CSMD1: variants seen among roughly 807,000 people sequenced by gnomAD.
CSMD1 encodes CUB and sushi domain-containing protein 1.
A neutral mutation model predicts 417.5 loss-of-function variants in CSMD1; 213 were observed. The ratio of observed to expected loss-of-function variants is 0.51; its 90% CI spans 0.46 to 0.57. The LOEUF (loss-of-function observed/expected upper bound fraction) is 0.57. Ranked by LOEUF, CSMD1 falls within the 20% of genes least tolerant of loss-of-function variation. The pLI is 0.00. For synonymous variants in CSMD1, 2,862 were observed against 1,736.8 expected (o/e 1.65, Z -16.11); for missense variants, 6,923 against 4,529.7 (o/e 1.53, Z -15.17).
At chr8:3,782,252 T>C (rs1799222769) in intron 5 of CSMD1, among the ~76,000 whole-genome samples, 1 of 152,186 alleles carries the variant, frequency 6.6e-6, no homozygotes, top group African/African-American at 2.4e-5. Context: ...GTTAGTTTTG[T>C]GCTTGCTTTG....
At chr8:3,879,587 C>G (rs1388650552) in intron 5 of CSMD1, among the ~76,000 whole-genome samples, 1 of 152,158 alleles carries the variant, frequency 6.6e-6, no homozygotes, top group Non-Finnish European at 1.5e-5. Flanking sequence ...AATCACATAG[C>G]TATCAGAATG....
At chr8:3,302,233 C>T (rs1390614153) in intron 25 of CSMD1, among the ~76,000 whole-genome samples, 1 of 152,112 alleles carries the variant, frequency 6.6e-6, no homozygotes, top group Non-Finnish European at 1.5e-5. Flanking sequence ...GATCAGCTTC[C>T]ACCATTTTAT....
chr8:3,475,066 G>A (rs560108760), intron 11 of CSMD1, among the ~76,000 whole-genome samples: 16 of 152,116 alleles, frequency 1.1e-4, no homozygotes, highest in East Asian at 3.9e-4. Flanking sequence ...GCATTTCTCC[G>A]TTCCCAGGGC....
At chr8:3,396,457 C>A in intron 16 of CSMD1, 76 bp from the exon 17 acceptor site, 2 of 1,056,170 alleles carry the variant, frequency 1.9e-6, no homozygotes, top group Non-Finnish European at 1.3e-6. Context: ...CATCCTCATT[C>A]CTTAATCAGA....
intron 2 of CSMD1, among the ~76,000 whole-genome samples, chr8:4,498,006 A>G (rs1356842230): frequency 6.6e-6 from 1 of 152,006 alleles, no homozygotes; most frequent in African/African-American, 2.4e-5. Flanking sequence ...AGTACAGTAA[A>G]CGTCCCGCAG....
intron 50 of CSMD1, among the ~76,000 whole-genome samples, chr8:3,046,872 G>C (rs761742753): frequency 1.6e-4 from 25 of 152,152 alleles, no homozygotes; most frequent in Non-Finnish European, 3.5e-4. Flanking sequence ...TCCTAGGATT[G>C]CTATTCTAAT....
intron 3 of CSMD1, among the ~76,000 whole-genome samples, chr8:4,414,775 T>C (rs545214570): frequency 2.6e-5 from 4 of 152,312 alleles, no homozygotes; most frequent in African/African-American, 2.4e-5. Context: ...TTTTTGAGTA[T>C]GTATCATGTG....
At chr8:4,167,639 T>G (rs1025066703) in intron 3 of CSMD1, among the ~76,000 whole-genome samples, 2 of 152,140 alleles carry the variant, frequency 1.3e-5, no homozygotes, top group Non-Finnish European at 1.5e-5. Context: ...ATCCATCTGT[T>G]TGGAAGATAC....
At chr8:4,492,278 C>T (rs62479713) in intron 2 of CSMD1, among the ~76,000 whole-genome samples, 10,357 of 152,156 alleles carry the variant, frequency 0.068, 466 homozygotes, top group South Asian at 0.1. Flanking sequence ...TTTGTCTACA[C>T]GGGATCTTCT....
intron 5 of CSMD1, among the ~76,000 whole-genome samples, chr8:3,827,206 G>A (rs1199766311): frequency 6.6e-6 from 1 of 152,138 alleles, no homozygotes; most frequent in Non-Finnish European, 1.5e-5. Context: ...CCAAAGAGTA[G>A]GGACAAACTT....
chr8:3,362,888 C>G (rs1454169495), intron 20 of CSMD1, among the ~76,000 whole-genome samples: 1 of 152,204 alleles, frequency 6.6e-6, no homozygotes, highest in African/African-American at 2.4e-5. Context: ...TATTGTGTAA[C>G]ATGTTCCTGT....
At chr8:4,880,849 G>C (rs975189265) in intron 1 of CSMD1, among the ~76,000 whole-genome samples, 4 of 152,052 alleles carry the variant, frequency 2.6e-5, no homozygotes, top group Non-Finnish European at 4.4e-5. Context: ...AAAGGTCCCT[G>C]ATCTAAGCTA....
At chr8:3,358,344 A>T (rs1450818893) in intron 21 of CSMD1, among the ~76,000 whole-genome samples, 1 of 152,216 alleles carries the variant, frequency 6.6e-6, no homozygotes, top group East Asian at 1.9e-4. Context: ...TGTAAGACCC[A>T]GAATATGCTG....
intron 3 of CSMD1, among the ~76,000 whole-genome samples, chr8:4,346,979 G>A (rs752596656): frequency 1.6e-4 from 24 of 152,130 alleles, no homozygotes; most frequent in Non-Finnish European, 2.8e-4. Context: ...GTAATGGAGG[G>A]TGCTTGTGGC....
chr8:3,848,213 T>C (rs1344980977), intron 5 of CSMD1, among the ~76,000 whole-genome samples: 1 of 152,188 alleles, frequency 6.6e-6, no homozygotes, highest in Non-Finnish European at 1.5e-5. Flanking sequence ...TCAGAAGTTG[T>C]CAGGACATTG....
chr8:4,646,698 T>C (rs992049364), intron 1 of CSMD1, among the ~76,000 whole-genome samples: 15 of 152,188 alleles, frequency 9.9e-5, no homozygotes, highest in Non-Finnish European at 2.9e-5. Context: ...TCTATTTTAA[T>C]GCTTAGTAGA....
At chr8:3,928,088 A>G (rs1002417275) in intron 5 of CSMD1, among the ~76,000 whole-genome samples, 1 of 152,184 alleles carries the variant, frequency 6.6e-6, no homozygotes, top group Non-Finnish European at 1.5e-5. Flanking sequence ...GCCTGAGTTT[A>G]TGAAAGTATA....
intron 21 of CSMD1, among the ~76,000 whole-genome samples, chr8:3,351,777 T>A (rs984107253): frequency 7.7e-4 from 115 of 149,098 alleles, no homozygotes; most frequent in African/African-American, 2.6e-3. Context: ...TAATATATAT[T>A]AAATACACAT....
At position 2,987,943 on chromosome 8, in the gene CSMD1, T is replaced by C. The variant is rs533325473; in HGVS notation, c.8378-9143A>G. ...GTGCAGGATGTGCAGGTTTGTTCCA[T>C]AGGTAAATGTGTACCATGGGGGTTG... On this transcript the variant is annotated intron_variant, in intron 54 of 69. Coordinates refer to ENST00000635120, the MANE Select transcript of CSMD1 (RefSeq NM_033225.6). 2.4e-4 allele frequency among the ~76,000 whole-genome samples: 36 copies of C among 152,146 alleles called. No individual in the cohort carries two copies. The South Asian group carries it at 7.5e-3, about 32-fold the overall frequency.
Sources: gnomAD v4.1 joint callset for allele counts (sites outside exome capture counted in the v4.1 genomes callset) on GRCh38, gnomAD v4.1.1 for gene constraint, MANE v1.5 for transcripts, NCBI Gene and HGNC (gene_info 2026-07-23, HGNC 2026-07-21) for gene names.